The following SNTG1 variants were observed in gnomAD, a reference collection of about 807,000 sequenced individuals.
The protein encoded by SNTG1 is syntrophin gamma 1, also known as gamma-1-syntrophin.
In SNTG1, 39 loss-of-function variants were observed where a neutral mutation model predicts 74.7. That is an observed-to-expected ratio of 0.52 (90% confidence interval 0.40 to 0.68). The LOEUF is 0.68. SNTG1 is among the 30% of genes least tolerant of loss of function. The pLI, the probability that SNTG1 is intolerant of heterozygous loss-of-function variation, is 0.00. For missense variants in SNTG1, 685 were observed against 609.5 expected (o/e 1.12, Z -1.30); for synonymous variants, 254 against 217.1 (o/e 1.17, Z -1.49).
Position 50,755,533 on chromosome 8 carries a change from GT to G in SNTG1, c.1395+3426del, listed in dbSNP as rs1295396148. On this transcript the variant is annotated intron_variant, in intron 18 of 18. Transcript: ENST00000642720. ...AGACAGACTTCTTTGTTACTTCCAT[GT>G]TTTAGAAATTATAAACAAAACTGTT... Among the ~76,000 whole-genome samples the G allele has an allele frequency of 4.0e-5, 6 of 151,728 alleles. No individual in the cohort carries two copies. In the Admixed American group the frequency reaches 4.0e-4, roughly 10 times the overall value.
intron 2 of SNTG1, among the ~76,000 whole-genome samples, chr8:50,364,470 C>T (rs957264712): frequency 7.2e-5 from 11 of 152,114 alleles, no homozygotes; most frequent in South Asian, 6.2e-4. Flanking sequence ...TCTTTCATGA[C>T]GGTTTATGTA....
At chr8:50,591,807 A>G (rs1009767079) in intron 13 of SNTG1, among the ~76,000 whole-genome samples, 3 of 152,174 alleles carry the variant, frequency 2.0e-5, no homozygotes, top group Admixed American at 2.0e-4. Flanking sequence ...AGTTCTTTTC[A>G]GCTCCAGAGG....
intron 2 of SNTG1, among the ~76,000 whole-genome samples, chr8:50,338,737 A>C (rs577083607): frequency 1.2e-4 from 19 of 152,290 alleles, no homozygotes; most frequent in Admixed American, 1.2e-3. Context: ...CTAAAAATTA[A>C]AAATAAAGAC....
At chr8:50,305,713 G>A (rs542393614) in intron 2 of SNTG1, among the ~76,000 whole-genome samples, 1 of 151,630 alleles carries the variant, frequency 6.6e-6, no homozygotes, top group Admixed American at 6.6e-5. Context: ...AAAAATTGAT[G>A]TAAGTAAAAC....
chr8:50,416,886 G>C (rs1409615870), intron 4 of SNTG1, among the ~76,000 whole-genome samples: 1 of 151,996 alleles, frequency 6.6e-6, no homozygotes, highest in African/African-American at 2.4e-5. Context: ...TACTTGTTCT[G>C]TTCTATCCAT....
chr8:49,938,591 T>TCTTTC (rs1808332461), intron 1 of SNTG1, among the ~76,000 whole-genome samples: 2 of 11,534 alleles, frequency 1.7e-4, no homozygotes, highest in Non-Finnish European at 2.3e-4. Flanking sequence ...TCTTTTCTTT[T>TCTTTC]CTTTTCTTTT....
intron 2 of SNTG1, among the ~76,000 whole-genome samples, chr8:50,324,403 T>C (rs1311394550): frequency 1.3e-5 from 2 of 152,320 alleles, no homozygotes; most frequent in Middle Eastern, 3.4e-3. Context: ...CAATACTCTT[T>C]CCATAATATA....
intron 2 of SNTG1, among the ~76,000 whole-genome samples, chr8:50,323,108 A>G (rs1328525646): frequency 9.4e-6 from 1 of 106,068 alleles, no homozygotes; most frequent in Non-Finnish European, 2.1e-5. Flanking sequence ...ACTTGTCTGG[A>G]AAAAAAAAAA....
chr8:50,765,639 AT>A (rs571156906), intron 18 of SNTG1, among the ~76,000 whole-genome samples: 225 of 152,062 alleles, frequency 1.5e-3, no homozygotes, highest in African/African-American at 5.0e-3. Flanking sequence ...TGTTAATGCC[AT>A]TTTTTAAAAG....
intron 2 of SNTG1, among the ~76,000 whole-genome samples, chr8:50,304,230 C>A (rs1163466554): frequency 1.3e-5 from 2 of 152,080 alleles, no homozygotes; most frequent in South Asian, 4.2e-4. Context: ...TCTGTCTCTC[C>A]CACTTTCATC....
intron 1 of SNTG1, among the ~76,000 whole-genome samples, chr8:50,097,984 G>A (rs1022145632): frequency 2.6e-5 from 4 of 152,118 alleles, no homozygotes; most frequent in African/African-American, 4.8e-5. Context: ...TAAATATTTA[G>A]TTTTGGTGTG....
chr8:50,406,233 T>C (rs1222596298), intron 4 of SNTG1, among the ~76,000 whole-genome samples: 2 of 152,136 alleles, frequency 1.3e-5, no homozygotes, highest in African/African-American at 4.8e-5. Context: ...CAATGTTTTG[T>C]TGTTTTCATG....
chr8:50,430,888 C>T (rs977333153), intron 4 of SNTG1, among the ~76,000 whole-genome samples: 1 of 152,086 alleles, frequency 6.6e-6, no homozygotes, highest in African/African-American at 2.4e-5. Context: ...CATGGAATTC[C>T]GAGATGGAAT....
intron 3 of SNTG1, among the ~76,000 whole-genome samples, chr8:50,395,666 GCTAATTT>G (rs943841332): frequency 6.6e-6 from 1 of 151,790 alleles, no homozygotes; most frequent in Non-Finnish European, 1.5e-5. Context: ...ACCACGCCAG[GCTAATTT>G]TTTTATTTTG....
chr8:50,443,606 C>G (rs898608568), intron 5 of SNTG1, among the ~76,000 whole-genome samples: 13 of 152,088 alleles, frequency 8.5e-5, no homozygotes, highest in Non-Finnish European at 1.8e-4. Context: ...GAGTAGATAA[C>G]TATTGTTATA....
At chr8:50,737,003 CTAGAGAAG>C (rs2095530583) in intron 17 of SNTG1, among the ~76,000 whole-genome samples, 1 of 151,794 alleles carries the variant, frequency 6.6e-6, no homozygotes, top group African/African-American at 2.4e-5. Context: ...ATTAAAAGAA[CTAGAGAAG>C]TAAAAGCAAA....
chr8:50,782,083 C>T (rs1025647043), intron 18 of SNTG1, among the ~76,000 whole-genome samples: 3 of 152,188 alleles, frequency 2.0e-5, no homozygotes, highest in East Asian at 1.9e-4. Context: ...CACTGTTAGT[C>T]GGATGGGCTT....
At chr8:49,933,677 T>A (rs554280436) in intron 1 of SNTG1, among the ~76,000 whole-genome samples, 73 of 152,354 alleles carry the variant, frequency 4.8e-4, no homozygotes, top group African/African-American at 1.7e-3. Flanking sequence ...TTTTTGTTTT[T>A]TGAACTCTCA....
chr8:50,017,114 T>G (rs1455175203), intron 1 of SNTG1, among the ~76,000 whole-genome samples: 3 of 152,102 alleles, frequency 2.0e-5, no homozygotes, highest in Non-Finnish European at 4.4e-5. Context: ...AGTATATGGT[T>G]TCTCAAATAC....
Sources: gnomAD v4.1 joint callset for allele counts (sites outside exome capture counted in the v4.1 genomes callset) on GRCh38, gnomAD v4.1.1 for gene constraint, MANE v1.5 for transcripts, NCBI Gene and HGNC (gene_info 2026-07-23, HGNC 2026-07-21) for gene names.